Variants in OPCML observed in about 807,000 individuals in gnomAD.
OPCML encodes opioid-binding protein/cell adhesion molecule.
OPCML carries 13 observed loss-of-function variants against 37.8 expected under a neutral mutation model. The observed-to-expected ratio is 0.34, with a 90% CI of 0.22 to 0.55. OPCML has a LOEUF of 0.55. Among genes scored for constraint, OPCML ranks in the 20% least tolerant of loss-of-function variants. OPCML has a pLI of 0.91. For synonymous variants in OPCML, 176 were observed against 168.8 expected (o/e 1.04, Z -0.33); for missense variants, 341 against 435.6 (o/e 0.78, Z 1.93).
At chr11:132,585,906 C>T (rs1289061319) in intron 3 of OPCML, among the ~76,000 whole-genome samples, 1 of 152,118 alleles carries the variant, frequency 6.6e-6, no homozygotes, top group Non-Finnish European at 1.5e-5. Context: ...GGACTGAAAG[C>T]CATTTTCTCA....
intron 2 of OPCML, among the ~76,000 whole-genome samples, chr11:132,721,950 C>CTTTTTTTTTTTTTTTTTTTTTTT (rs34325848): frequency 2.4e-5 from 2 of 82,782 alleles, no homozygotes; most frequent in Non-Finnish European, 4.3e-5. Flanking sequence ...CTTTCCTTCC[C>CTTTTTTTTTTTTTTTTTTTTTTT]TTTTTTTTTT....
At chr11:132,668,835 T>A (rs1942335183) in intron 2 of OPCML, among the ~76,000 whole-genome samples, 1 of 152,200 alleles carries the variant, frequency 6.6e-6, no homozygotes. Context: ...GTACTTCTAG[T>A]AACATTTTCT....
intron 1 of OPCML, among the ~76,000 whole-genome samples, chr11:133,457,775 C>G (rs1946703943): frequency 6.6e-6 from 1 of 152,022 alleles, no homozygotes; most frequent in Non-Finnish European, 1.5e-5. Context: ...TAGTTCATTA[C>G]CAATAGACTT....
At chr11:133,217,501 C>G (rs1214048321) in intron 1 of OPCML, among the ~76,000 whole-genome samples, 1 of 152,152 alleles carries the variant, frequency 6.6e-6, no homozygotes, top group Non-Finnish European at 1.5e-5. Flanking sequence ...ATTGCAGCAC[C>G]CATGAAGGTG....
In OPCML at chr11:133,206,358, C is replaced by A. The variant is rs921837683; in HGVS notation, c.62-263348G>T. Among the ~76,000 whole-genome samples, 1 of 152,164 alleles carries A rather than the reference C, an allele frequency of 6.6e-6. No homozygotes were observed. Among genetic ancestry groups the A allele is most frequent in the South Asian group, 2.1e-4 (1 of 4,816 alleles). On this transcript the variant is annotated intron_variant, in intron 1 of 7. Transcript: ENST00000524381. This position sits in a 1 kb window ranked among gnomAD's most constrained non-coding sequence, Gnocchi z 4.7. ...GAGTTCAGTTCTGTATCTACTACCA[C>A]GTAGCAATGAAACATTTAGGAAACT...
intron 1 of OPCML, among the ~76,000 whole-genome samples, chr11:133,035,835 T>C (rs1947770726): frequency 6.6e-6 from 1 of 152,150 alleles, no homozygotes; most frequent in African/African-American, 2.4e-5. Context: ...AATGGGAACC[T>C]TGAGGCTGAA....
rs145200461 is a variant in OPCML at position 132,691,512 on chromosome 11, G to T, written c.147-34193C>A. ...AGGGTAGCCTCTGCAGTGTCATAGGGCTTATATGTCATGCATTTTTAAAAT... is the reference window on the plus strand; with the variant it reads ...AGGGTAGCCTCTGCAGTGTCATAGGTCTTATATGTCATGCATTTTTAAAAT... On this transcript the variant is annotated intron_variant, in intron 2 of 7. Coordinates refer to ENST00000524381, the MANE Select transcript of OPCML (RefSeq NM_001012393.5). Among the ~76,000 whole-genome samples, 897 of 152,266 alleles carry T rather than the reference G, an allele frequency of 5.9e-3. 11 individuals are homozygous for T. Among genetic ancestry groups the T allele is most frequent in the African/African-American group, 0.02 (845 of 41,536 alleles).
intron 1 of OPCML, among the ~76,000 whole-genome samples, chr11:133,050,181 G>A (rs773513271): frequency 6.6e-6 from 1 of 152,098 alleles, no homozygotes; most frequent in Admixed American, 6.5e-5. Flanking sequence ...TTTAGCTCCT[G>A]CCCATTCTAG....
chr11:132,845,882 C>T (rs769847404), intron 2 of OPCML, among the ~76,000 whole-genome samples: 20 of 152,010 alleles, frequency 1.3e-4, no homozygotes, highest in Non-Finnish European at 2.4e-4. Flanking sequence ...TTCCATGTGG[C>T]GAAAGGCCCA....
chr11:132,776,949 C>T (rs56946580), intron 2 of OPCML, among the ~76,000 whole-genome samples: 1 of 152,048 alleles, frequency 6.6e-6, no homozygotes, highest in Non-Finnish European at 1.5e-5. Context: ...TTAGCCCCAT[C>T]ATCACCAAAG....
At chr11:133,334,822 G>A (rs967866413) in intron 1 of OPCML, among the ~76,000 whole-genome samples, 2 of 152,112 alleles carry the variant, frequency 1.3e-5, no homozygotes, top group Admixed American at 1.3e-4. Context: ...GGATCTCCAT[G>A]GGAGAGGGTT....
chr11:133,079,579 G>A (rs1231175110), intron 1 of OPCML, among the ~76,000 whole-genome samples: 2 of 152,110 alleles, frequency 1.3e-5, no homozygotes, highest in African/African-American at 4.8e-5. Flanking sequence ...ACAAAAAAAT[G>A]ACTGTGACAC....
chr11:132,444,611 A>G (rs2096048423), intron 4 of OPCML, among the ~76,000 whole-genome samples: 1 of 152,130 alleles, frequency 6.6e-6, no homozygotes, highest in Non-Finnish European at 1.5e-5. Flanking sequence ...ATGTGTTCAC[A>G]TTATGCCTGA....
chr11:133,344,034 C>A (rs931048388), intron 1 of OPCML, among the ~76,000 whole-genome samples: 6 of 152,172 alleles, frequency 3.9e-5, no homozygotes, highest in African/African-American at 1.2e-4. Flanking sequence ...TTAAACCCTG[C>A]GAGGAAACAC....
At chr11:132,520,251 G>A (rs2096289514) in intron 4 of OPCML, among the ~76,000 whole-genome samples, 1 of 152,120 alleles carries the variant, frequency 6.6e-6, no homozygotes, top group African/African-American at 2.4e-5. Flanking sequence ...TCAAGCTATG[G>A]AAGCCATCTT....
At chr11:132,716,416 A>ATCTG (rs1379716577) in intron 2 of OPCML, among the ~76,000 whole-genome samples, 2 of 14,492 alleles carry the variant, frequency 1.4e-4, no homozygotes, top group Non-Finnish European at 4.1e-4. Flanking sequence ...CTGTCTGTCT[A>ATCTG]TCTATCTATC....
intron 4 of OPCML, among the ~76,000 whole-genome samples, chr11:132,488,339 C>A (rs2509236): frequency 6.6e-6 from 1 of 151,958 alleles, no homozygotes; most frequent in East Asian, 1.9e-4. Context: ...TGTGTGAACA[C>A]CCTAGAGTGC....
chr11:132,799,778 A>T (rs1301266193), intron 2 of OPCML, among the ~76,000 whole-genome samples: 3 of 152,094 alleles, frequency 2.0e-5, no homozygotes, highest in Non-Finnish European at 4.4e-5. Context: ...AAAATGAAGG[A>T]TGCCTGTTTA....
chr11:132,459,811 G>A (rs2096094928), intron 4 of OPCML, among the ~76,000 whole-genome samples: 1 of 152,124 alleles, frequency 6.6e-6, no homozygotes, highest in African/African-American at 2.4e-5. Flanking sequence ...CTGGGAACCT[G>A]TCAAGCTCAT....
Sources: allele counts gnomAD v4.1 joint callset (sites outside exome capture counted in the v4.1 genomes callset), GRCh38; gene constraint gnomAD v4.1.1; non-coding constraint Gnocchi (gnomAD v3.1); transcripts MANE v1.5; gene names NCBI Gene and HGNC (gene_info 2026-07-23, HGNC 2026-07-21).